GLI1: variants seen among roughly 807,000 people sequenced by gnomAD.
The protein encoded by GLI1 is GLI family zinc finger 1, also known as transcription activator GLI1.
GLI1 carries 51 observed loss-of-function variants against 87.8 expected under a neutral mutation model. That is an observed-to-expected ratio of 0.58 (90% CI 0.46 to 0.73). The LOEUF is 0.73. Ranked by LOEUF, GLI1 falls within the 30% of genes least tolerant of loss-of-function variation. The probability of loss-of-function intolerance (pLI) is 0.00; values close to 1 mark genes in which losing one functional copy is unlikely to be tolerated. For missense variants in GLI1, 1,292 were observed against 1,437.2 expected (o/e 0.90, Z 1.63); for synonymous variants, 528 against 558.2 (o/e 0.95, Z 0.76).
At position 57,469,628 on chromosome 12, in the gene GLI1, G is replaced by A. The variant is rs1381018330; in HGVS notation, c.1506G>A (p.Arg502=). 1 of 1,614,116 alleles carries A rather than the reference G, an allele frequency of 6.2e-7. No individual in the cohort carries two copies. The highest frequency in any genetic ancestry group is 8.5e-7 in the Non-Finnish European group (1 of 1,180,034). ...LSTLRRLENL[R]LDQLHQLRPI... ...CTCTTCGCCGCCTTGAGAACCTCAG[G>A]CTGGACCAGCTACATCAACTCCGGC... The change falls in exon 11 of 12, where the codon AGG becomes AGA. Residue 502 remains arginine, a synonymous_variant. Transcript: ENST00000228682.
At chr12:57,461,070 T>A (rs1474934323) in intron 1 of GLI1, among the ~76,000 whole-genome samples, 1 of 151,886 alleles carries the variant, frequency 6.6e-6, no homozygotes, top group Non-Finnish European at 1.5e-5. Flanking sequence ...TGCCTGCCCT[T>A]GCTCCCCGCT....
At chr12:57,460,853 C>T (rs1345150906) in intron 1 of GLI1, among the ~76,000 whole-genome samples, 1 of 152,130 alleles carries the variant, frequency 6.6e-6, no homozygotes, top group East Asian at 1.9e-4. Flanking sequence ...GTCCCAAGGG[C>T]TGTGGGCAAG....
Position 57,465,172 on chromosome 12 carries a change from G to T in GLI1, c.451G>T (p.Val151Phe), listed in dbSNP as rs773331571. ...HQKGPSPSFG[V>F]QPCGPHDSAR... is the part of the protein sequence containing the mutation. The stretch of plus-strand genomic sequence containing the variant: ...AAAAGGGCCCTCGCCTTCCTTTGGG[G>T]TCCAGCCTTGTGGTCCCCATGACTC... The change falls in exon 5 of 12, where the codon GTC becomes TTC. Residue 151 changes from valine to phenylalanine, a missense_variant. Physicochemically the swap from Val to Phe is conservative, Grantham distance 50. Transcript: ENST00000228682. 16 of 1,614,010 alleles carry T rather than the reference G, an allele frequency of 9.9e-6. No homozygotes were observed. The highest frequency in any genetic ancestry group is 1.7e-4 in the Middle Eastern group (1 of 6,054).
rs1258484618 is a variant in GLI1, at chr12:57,465,097, C to T, written c.390-14C>T. On this transcript the variant is annotated splice_polypyrimidine_tract_variant and intron_variant, in intron 4 of 11. Coordinates refer to ENST00000228682, the MANE Select transcript of GLI1 (RefSeq NM_005269.3). Reference sequence around the variant, plus strand: ...TCCTAATTGTCTTAAGTAACTGCCTCCTCTCCTCCTCAGCCCATCTCTGGG... The same window carrying T: ...TCCTAATTGTCTTAAGTAACTGCCTTCTCTCCTCCTCAGCCCATCTCTGGG... The T allele has an allele frequency of 4.3e-6, 7 of 1,613,460 alleles. No homozygotes were observed. The highest frequency in any genetic ancestry group is 5.1e-6 in the Non-Finnish European group (6 of 1,179,446).
At position 57,463,390 on chromosome 12, in the gene GLI1, G is replaced by GT. The variant is rs566405001; in HGVS notation, c.-27-268dup. On this transcript the variant is annotated intron_variant, in intron 1 of 11. Coordinates refer to ENST00000228682, the MANE Select transcript of GLI1 (RefSeq NM_005269.3). ...CCGCCATCATGACTGGCTAATTTTT[G>GT]TTTTTTTGTAGAGACGGGGGTTTCA... Among the ~76,000 whole-genome samples, 1,285 of 152,150 alleles carry GT rather than the reference G, an allele frequency of 8.4e-3. 12 individuals are homozygous for GT. Among genetic ancestry groups the GT allele is most frequent in the Non-Finnish European group, 0.01 (694 of 67,972 alleles).
chr12:57,461,023 C>T (rs1871106678), intron 1 of GLI1, among the ~76,000 whole-genome samples: 1 of 152,228 alleles, frequency 6.6e-6, no homozygotes, highest in Admixed American at 6.5e-5. Context: ...CAAACGGGAG[C>T]TGGGGATCGA....
chr12:57,463,837 T>G, intron 2 of GLI1, 46 bp downstream of exon 2: 1 of 1,261,568 alleles, frequency 7.9e-7, no homozygotes, highest in Non-Finnish European at 1.1e-6. Flanking sequence ...TTGGCAGATC[T>G]CCCACTTGGG....
intron 9 of GLI1, 86 bp from the exon 10 acceptor site, chr12:57,467,908 C>G (rs775658007): frequency 8.8e-6 from 8 of 912,408 alleles, no homozygotes; most frequent in Non-Finnish European, 1.0e-5. Flanking sequence ...TCCCCTGCCC[C>G]CTGTGTTGTC....
Position 57,465,169 on chromosome 12 carries a change from G to C in GLI1, c.448G>C (p.Gly150Arg). The C allele has an allele frequency of 6.2e-7, 1 of 1,614,028 alleles. No individual in the cohort carries two copies. Residue 150 changes from glycine (G) to arginine (R), a missense_variant, in exon 5 of 12, where the codon GGG becomes CGG. Transcript: ENST00000228682. Reference protein sequence around the residue: ...NHQKGPSPSFGVQPCGPHDSA... With the variant: ...NHQKGPSPSFRVQPCGPHDSA... ...CCAAAAAGGGCCCTCGCCTTCCTTT[G>C]GGGTCCAGCCTTGTGGTCCCCATGA...
intron 1 of GLI1, among the ~76,000 whole-genome samples, chr12:57,462,033 C>G (rs984903217): frequency 2.0e-5 from 3 of 152,186 alleles, no homozygotes; most frequent in Non-Finnish European, 4.4e-5. Context: ...GGGGTGTAGC[C>G]CCATTTCCTT....
Position 57,463,776 on chromosome 12 carries a change from A to C in GLI1, c.85A>C (p.Ser29Arg), listed in dbSNP as rs1871301779. 2.0e-5 allele frequency: 32 copies of C among 1,596,140 alleles called. No individual in the cohort carries two copies. The highest frequency in any genetic ancestry group is 2.7e-5 in the Non-Finnish European group (32 of 1,167,778). The change falls in exon 2 of 12, where the codon AGT becomes CGT. Residue 29 changes from serine to arginine, a missense_variant. Physicochemically the swap from Ser to Arg is moderately radical, Grantham distance 110. Transcript: ENST00000228682. ...GCCCCTCCCCAGTCAGGGGGCCCCC[A>C]GTGTGGGGACAGAAGGTCAGTGTAT... ...LRPLPSQGAPSVGTEGLSGPP... is the reference protein window; with the variant it reads ...LRPLPSQGAPRVGTEGLSGPP...
rs1226929743 is a variant in GLI1, at chr12:57,468,241, A to G, written c.1308+17A>G. On this transcript the variant is annotated intron_variant, in intron 10 of 11. Coordinates refer to ENST00000228682, the MANE Select transcript of GLI1 (RefSeq NM_005269.3). The stretch of plus-strand genomic sequence containing the variant: ...GGTGCCATGGTGAGAGAGCCCAGGC[A>G]ACCCTCACCTCCATACCCCAGCCCA... 6.4e-7 allele frequency: 1 copy of G among 1,550,696 alleles called. No homozygotes were observed. Among genetic ancestry groups the G allele is most frequent in the Non-Finnish European group, 8.9e-7 (1 of 1,123,298 alleles).
chr12:57,462,356 C>A (rs765969979), intron 1 of GLI1, among the ~76,000 whole-genome samples: 4 of 152,070 alleles, frequency 2.6e-5, no homozygotes, highest in Non-Finnish European at 5.9e-5. Flanking sequence ...GTCCGGGTTC[C>A]GCTCCCCATC....
Position 57,464,718 on chromosome 12 carries a change from A to G in GLI1, c.239A>G (p.Lys80Arg), listed in dbSNP as rs763670345. Reference protein sequence around the residue: ...SPRSAVKLTKKRALSISPLSD... With the variant: ...SPRSAVKLTKRRALSISPLSD... ...CGGAGTGCAGTCAAGTTGACCAAGA[A>G]GCGGGCACTGTCCATCTCACCTCTG... is the stretch of plus-strand genomic sequence containing the variant. Residue 80 changes from lysine (K) to arginine (R), a missense_variant, in exon 4 of 12, where the codon AAG (lysine) becomes AGG (arginine). Physicochemically the swap from Lys to Arg is conservative, Grantham distance 26. This residue lies in a region of GLI1 where 383 missense variants were observed against 368.4 expected (regional missense o/e 1.04). Coordinates refer to ENST00000228682, the MANE Select transcript of GLI1 (RefSeq NM_005269.3). 6.2e-7 allele frequency: 1 copy of G among 1,614,064 alleles called. No individual in the cohort carries two copies. Among genetic ancestry groups the G allele is most frequent in the Non-Finnish European group, 8.5e-7 (1 of 1,179,960 alleles).
intron 1 of GLI1, among the ~76,000 whole-genome samples, chr12:57,461,725 C>T (rs1169137589): frequency 6.6e-6 from 1 of 151,042 alleles, no homozygotes; most frequent in Non-Finnish European, 1.5e-5. Context: ...CAGCCAGTGC[C>T]TGCGGCGGCG....
rs745840526 is a variant in GLI1 at position 57,471,752 on chromosome 12, G to T, written c.3012G>T (p.Val1004=). 12 of 1,569,524 alleles carry T rather than the reference G, an allele frequency of 7.6e-6. No homozygotes were observed. Among genetic ancestry groups the T allele is most frequent in the South Asian group, 4.8e-5 (4 of 82,894 alleles). ...PLPTCYGPLK[V]GGTNPSCGHP... ...CCACTTGCTATGGGCCTCTCAAAGT[G>T]GGAGGCACAAACCCCAGCTGTGGTC... Residue 1004 remains valine (V), a synonymous_variant, in exon 12 of 12, where the codon GTG becomes GTT. Transcript: ENST00000228682. The surrounding 1 kb of genome is among the most constrained non-coding windows in gnomAD (Gnocchi z 4.9).
rs1455536375 is a variant in GLI1 at position 57,464,761 on chromosome 12, C to T, written c.282C>T (p.Asp94=). ...SISPLSDASL[D]LQTVIRTSPS... is the part of the protein sequence containing the mutation. ...CACCTCTGTCGGATGCCAGCCTGGA[C>T]CTGCAGACGGTTATCCGCACCTCAC... Residue 94 remains aspartate, a synonymous_variant, in exon 4 of 12, where the codon GAC becomes GAT. Coordinates refer to ENST00000228682, the MANE Select transcript of GLI1 (RefSeq NM_005269.3). 3.1e-6 allele frequency: 5 copies of T among 1,613,796 alleles called. No homozygotes were observed. The highest frequency in any genetic ancestry group is 4.2e-6 in the Non-Finnish European group (5 of 1,179,722).
At chr12:57,469,254 T>C (rs1427948565) in intron 10 of GLI1, among the ~76,000 whole-genome samples, 177 bp from the exon 11 acceptor site, 2 of 152,234 alleles carry the variant, frequency 1.3e-5, no homozygotes, top group East Asian at 3.8e-4. Context: ...GCCTAGGTTC[T>C]TCTCATCAAA....
In GLI1 at chr12:57,466,403, G is replaced by C. The variant is rs1272677987; in HGVS notation, c.912+14G>C. On this transcript the variant is annotated intron_variant, in intron 8 of 11. Transcript: ENST00000228682. ...CACAAGTGCACGGTGAGGCACCAGT[G>C]TCCCAAGTCCAGGGTCTCTTCCTAA... The C allele has an allele frequency of 6.2e-7, 1 of 1,602,166 alleles. No individual in the cohort carries two copies. Among genetic ancestry groups the C allele is most frequent in the African/African-American group, 1.3e-5 (1 of 74,632 alleles).
Sources: allele counts gnomAD v4.1 joint callset (sites outside exome capture counted in the v4.1 genomes callset), GRCh38; gene constraint gnomAD v4.1.1; regional missense constraint gnomAD v4.1.1; non-coding constraint Gnocchi (gnomAD v3.1); transcripts MANE v1.5; gene names NCBI Gene and HGNC (gene_info 2026-07-23, HGNC 2026-07-21).